Variants in PTGIS observed in about 807,000 individuals in gnomAD.
PTGIS encodes the protein prostacyclin synthase.
In PTGIS, 45 loss-of-function variants were observed where a neutral mutation model predicts 50.3. That is an observed-to-expected ratio of 0.90 (90% CI 0.70 to 1.15). The LOEUF (loss-of-function observed/expected upper bound fraction) is 1.15, where lower values mean the gene tolerates loss of function less well. Ranked by LOEUF, PTGIS falls within the 50% of genes most tolerant of loss-of-function variation. The pLI, the probability that PTGIS is intolerant of heterozygous loss-of-function variation, is 0.00. For missense variants in PTGIS, 668 were observed against 661.3 expected, an observed-to-expected ratio of 1.01 and a Z score of -0.11; for synonymous variants, 260 against 267.7, an observed-to-expected ratio of 0.97 and a Z score of 0.28.
rs546879132 is a variant in PTGIS at position 49,560,566 on chromosome 20, T to C, written c.74+7477A>G. Reference sequence around the variant, plus strand: ...TTAAAGAAAAAAGAAAACAGGGTGGTGTGAGACAGTGAGGGGGGCTGGTTT... The same window carrying C: ...TTAAAGAAAAAAGAAAACAGGGTGGCGTGAGACAGTGAGGGGGGCTGGTTT... On this transcript the variant is annotated intron_variant, in intron 1 of 9. Transcript: ENST00000244043. Among the ~76,000 whole-genome samples the C allele has an allele frequency of 1.3e-4, 19 of 151,416 alleles. No homozygotes were observed. The South Asian group carries it at 3.4e-3, about 27-fold the overall frequency.
chr20:49,509,087 C>T (rs556802165), intron 9 of PTGIS, among the ~76,000 whole-genome samples: 6 of 152,310 alleles, frequency 3.9e-5, no homozygotes, highest in South Asian at 2.1e-4. Context: ...TGGGCTGTGC[C>T]GCTTATGGGA....
intron 2 of PTGIS, among the ~76,000 whole-genome samples, chr20:49,549,559 T>C (rs1191680289): frequency 6.6e-6 from 1 of 152,138 alleles, no homozygotes; most frequent in Non-Finnish European, 1.5e-5. Context: ...GAACTCTGGG[T>C]AGATCTGGGC....
intron 6 of PTGIS, among the ~76,000 whole-genome samples, chr20:49,518,079 C>T (rs11906639): frequency 0.034 from 5,121 of 152,332 alleles, 143 homozygotes; most frequent in African/African-American, 0.065. Context: ...CCATTGTAGT[C>T]ATCCCCCAGG....
chr20:49,518,521 A>G (rs1036569627), intron 6 of PTGIS, among the ~76,000 whole-genome samples: 1 of 152,200 alleles, frequency 6.6e-6, no homozygotes, highest in Non-Finnish European at 1.5e-5. Context: ...CCCAATGTGA[A>G]TTTCTTAGTC....
chr20:49,513,689 G>A (rs979115796), intron 7 of PTGIS, among the ~76,000 whole-genome samples: 27 of 152,164 alleles, frequency 1.8e-4, no homozygotes, highest in Non-Finnish European at 3.2e-4. Flanking sequence ...GGCTGTGACT[G>A]GCCAATCAGA....
At chr20:49,513,791 C>T (rs495146) in intron 7 of PTGIS, among the ~76,000 whole-genome samples, 58,094 of 151,888 alleles carry the variant, frequency 0.38, 13,510 homozygotes, top group African/African-American at 0.66. Context: ...GGTGGGAACA[C>T]TGTAAGAGAT....
At chr20:49,559,653 G>A (rs150407808) in intron 1 of PTGIS, among the ~76,000 whole-genome samples, 91 of 152,250 alleles carry the variant, frequency 6.0e-4, no homozygotes, top group Non-Finnish European at 9.3e-4. Context: ...GCTACGATGT[G>A]GGTGAACCTT....
intron 6 of PTGIS, among the ~76,000 whole-genome samples, chr20:49,518,782 C>T (rs764329837): frequency 3.3e-5 from 5 of 152,142 alleles, no homozygotes; most frequent in African/African-American, 4.8e-5. Flanking sequence ...CCGAGTCTGT[C>T]TGACTCTCAA....
chr20:49,534,237 G>T, intron 5 of PTGIS, among the ~76,000 whole-genome samples: 1 of 152,344 alleles, frequency 6.6e-6, no homozygotes, highest in Middle Eastern at 3.4e-3. Flanking sequence ...AAGCATTTAT[G>T]TAGGATAAAT....
At chr20:49,544,160 C>T (rs1005324167) in intron 4 of PTGIS, 145 bp downstream of exon 4, 7 of 1,074,068 alleles carry the variant, frequency 6.5e-6, no homozygotes, top group Admixed American at 2.6e-5. Context: ...TGGTGCATGG[C>T]GTCTTTCCTA....
Position 49,568,117 on chromosome 20 carries a change from C to CGCGGGGCTGGCGGGGCTA in PTGIS, c.-2_-1insTAGCCCCGCCAGCCCCGC. The CGCGGGGCTGGCGGGGCTA allele has an allele frequency of 5.1e-6, 4 of 784,882 alleles. No homozygotes were observed. The highest frequency in any genetic ancestry group is 2.2e-5 in the South Asian group (1 of 44,528). 48.6% of individuals were successfully genotyped at this position (784,882 alleles called of 1,614,324 possible). On this transcript the variant is annotated 5_prime_UTR_variant, in exon 1 of 10. Coordinates refer to ENST00000244043, the MANE Select transcript of PTGIS (RefSeq NM_000961.4). ...GGCCGAGGAGCGCGGCCCAAGCCATCGCGGGGCTGGCGGGGCTGGCGGGGC... is the reference window on the plus strand; with the variant it reads ...GGCCGAGGAGCGCGGCCCAAGCCATCGCGGGGCTGGCGGGGCTAGCGGGGCTGGCGGGGCTGGCGGGGC...
intron 1 of PTGIS, among the ~76,000 whole-genome samples, chr20:49,561,003 A>AC (rs1373076650): frequency 1.1e-4 from 17 of 151,362 alleles, no homozygotes; most frequent in Non-Finnish European, 1.6e-4. Context: ...AACTACCGTG[A>AC]CCCCCCCAGG....
chr20:49,533,443 G>C (rs1379417250), intron 5 of PTGIS, among the ~76,000 whole-genome samples: 1 of 152,064 alleles, frequency 6.6e-6, no homozygotes, highest in East Asian at 1.9e-4. Context: ...CCTACTGTAT[G>C]AGAAACACCA....
intron 3 of PTGIS, among the ~76,000 whole-genome samples, chr20:49,547,163 C>T (rs973153312): frequency 6.6e-6 from 1 of 152,186 alleles, no homozygotes; most frequent in Non-Finnish European, 1.5e-5. Flanking sequence ...ACCCGGGAGG[C>T]GGAGGTTACA....
chr20:49,553,085 A>T (rs1201075359), intron 1 of PTGIS, among the ~76,000 whole-genome samples: 5 of 152,166 alleles, frequency 3.3e-5, no homozygotes, highest in Non-Finnish European at 7.4e-5. Flanking sequence ...AGCTGGTTTT[A>T]AAATTATTGG....
At position 49,522,543 on chromosome 20, in the gene PTGIS, G is replaced by C. The variant is rs533988194; in HGVS notation, c.855+1515C>G. ...GAATCTCACTATGTTGCCCAGGCTGGTCTCAAACTCCTGGGCTCAAGCAAT... is the reference window on the plus strand; with the variant it reads ...GAATCTCACTATGTTGCCCAGGCTGCTCTCAAACTCCTGGGCTCAAGCAAT... On this transcript the variant is annotated intron_variant, in intron 6 of 9. Transcript: ENST00000244043. 6.6e-5 allele frequency among the ~76,000 whole-genome samples: 10 copies of C among 152,090 alleles called. No individual in the cohort carries two copies. In the South Asian group the frequency reaches 1.0e-3, roughly 16 times the overall value.
chr20:49,559,141 G>A (rs491490), intron 1 of PTGIS, among the ~76,000 whole-genome samples: 102,927 of 151,962 alleles, frequency 0.68, 35,001 homozygotes, highest in Admixed American at 0.76. Context: ...CTGCTGTCCC[G>A]ATATTTTATG....
At chr20:49,510,671 C>T (rs766657338) in intron 9 of PTGIS, among the ~76,000 whole-genome samples, 152 of 152,248 alleles carry the variant, frequency 1.0e-3, no homozygotes, top group Non-Finnish European at 1.9e-3. Flanking sequence ...CAGTGAAGTT[C>T]GGCCAGTTCC....
chr20:49,524,077 A>G lies in PTGIS; in HGVS notation c.836T>C (p.Leu279Pro). ...SEEMQARALVLQLWATQGNMG... is the reference protein window; with the variant it reads ...SEEMQARALVPQLWATQGNMG... ...ACCCACCTGTGTGGCCCACAGCTGC[A>G]GCACCAGGGCCCGTGCCTGCATCTC... Residue 279 changes from leucine (L) to proline (P), a missense_variant, in exon 6 of 10, where the codon CTG becomes CCG. Coordinates refer to ENST00000244043, the MANE Select transcript of PTGIS (RefSeq NM_000961.4). 6.2e-7 allele frequency: 1 copy of G among 1,614,248 alleles called. No individual in the cohort carries two copies.
Sources: gnomAD v4.1 joint callset for allele counts (sites outside exome capture counted in the v4.1 genomes callset) on GRCh38, gnomAD v4.1.1 for gene constraint, MANE v1.5 for transcripts, NCBI Gene and HGNC (gene_info 2026-07-23, HGNC 2026-07-21) for gene names.